Variants in TAF4B observed in about 807,000 individuals in gnomAD.
TAF4B encodes the protein TATA-box binding protein associated factor 4b, also known as transcription initiation factor TFIID subunit 4B.
Under a neutral mutation model 86.4 loss-of-function variants are expected in TAF4B, and 38 were observed. The observed-to-expected ratio is 0.44, with a 90% CI of 0.34 to 0.58. The LOEUF (loss-of-function observed/expected upper bound fraction) is 0.58, where lower values mean the gene tolerates loss of function less well. Among genes scored for constraint, TAF4B ranks in the 20% least tolerant of loss-of-function variants. TAF4B has a pLI of 0.02. For missense variants in TAF4B, 988 were observed against 1,027.6 expected, an observed-to-expected ratio of 0.96 and a Z score of 0.53; for synonymous variants, 388 against 391.2, an observed-to-expected ratio of 0.99 and a Z score of 0.10.
At chr18:26,315,095 ACTCTCTCTCTCTCTCTCT>A (rs58691265) in intron 9 of TAF4B, 116 bp from the exon 10 acceptor site, 27 of 220,320 alleles carry the variant, frequency 1.2e-4, no homozygotes, top group Middle Eastern at 1.3e-3. Context: ...GCTCTCTGAA[ACTCTCTCTCTCTCTCTCT>A]CTCTCTCTCT....
At chr18:26,351,561 T>C (rs1198424747) in intron 13 of TAF4B, among the ~76,000 whole-genome samples, 1 of 152,190 alleles carries the variant, frequency 6.6e-6, no homozygotes, top group Non-Finnish European at 1.5e-5. Flanking sequence ...ATACTAATTA[T>C]CCTCATCTGA....
chr18:26,266,919 T>G (rs1433062772), intron 2 of TAF4B: 1 of 152,148 alleles, frequency 6.6e-6, no homozygotes, highest in Non-Finnish European at 1.5e-5. Context: ...AATGGGTATT[T>G]TATTTAAATA....
chr18:26,239,077 T>C (rs2055795303), intron 1 of TAF4B, among the ~76,000 whole-genome samples: 1 of 152,246 alleles, frequency 6.6e-6, no homozygotes, highest in Non-Finnish European at 1.5e-5. Flanking sequence ...TATAGCAGCA[T>C]GATTTATAGT....
At chr18:26,315,100 C>CTCTCTG (rs2056889110) in intron 9 of TAF4B, 129 bp from the exon 10 acceptor site, 1 of 174,268 alleles carries the variant, frequency 5.7e-6, no homozygotes, top group East Asian at 8.2e-5. Flanking sequence ...CTGAAACTCT[C>CTCTCTG]TCTCTCTCTC....
At chr18:26,262,465 A>G (rs1019450316) in intron 1 of TAF4B, among the ~76,000 whole-genome samples, 2 of 140,210 alleles carry the variant, frequency 1.4e-5, no homozygotes, top group Non-Finnish European at 3.0e-5. Context: ...GCCTTAGGAC[A>G]GTTTCCAAAC....
Position 26,316,130 on chromosome 18 carries a change from G to A in TAF4B, c.2002+732G>A, listed in dbSNP as rs144424859. On this transcript the variant is annotated intron_variant, in intron 10 of 14. Coordinates refer to ENST00000269142, the MANE Select transcript of TAF4B (RefSeq NM_005640.3). ...TGAGGCATGAGAATCGCTTGAACCC[G>A]GGAGGCTTCTTCACCTATGTCAAAT... Among the ~76,000 whole-genome samples the A allele has an allele frequency of 5.3e-5, 8 of 152,070 alleles. No individual in the cohort carries two copies. The East Asian group carries it at 1.2e-3, about 22-fold the overall frequency.
chr18:26,320,689 C>A (rs2144675486), intron 10 of TAF4B, among the ~76,000 whole-genome samples: 1 of 152,222 alleles, frequency 6.6e-6, no homozygotes, highest in African/African-American at 2.4e-5. Flanking sequence ...CAGTGTCAAA[C>A]AGGGCAAAAT....
Position 26,282,003 on chromosome 18 carries a change from G to A in TAF4B, c.915G>A (p.Arg305=). 1 of 1,613,302 alleles carries A rather than the reference G, an allele frequency of 6.2e-7. No homozygotes were observed. Among genetic ancestry groups the A allele is most frequent in the South Asian group, 1.1e-5 (1 of 90,942 alleles). ...DAKIEAEEFT[R]KLYVELKSSP... ...AAATCGAAGCAGAAGAATTTACTAG[G>A]AAACTGTATGTTGAACTCAAGTCTT... The change falls in exon 6 of 15, where the codon AGG becomes AGA. Residue 305 remains arginine, a synonymous_variant. Coordinates refer to ENST00000269142, the MANE Select transcript of TAF4B (RefSeq NM_005640.3).
chr18:26,320,976 A>G (rs1046713740), intron 10 of TAF4B, 94 bp from the exon 11 acceptor site: 3 of 1,468,304 alleles, frequency 2.0e-6, no homozygotes, highest in Non-Finnish European at 2.8e-6. Context: ...CATAATGGGT[A>G]TGACTTCCAG....
intron 10 of TAF4B, among the ~76,000 whole-genome samples, chr18:26,316,226 A>G (rs909950234): frequency 6.6e-6 from 1 of 152,168 alleles, no homozygotes; most frequent in Non-Finnish European, 1.5e-5. Context: ...CGAAGGCTTG[A>G]TACAAAAACG....
At chr18:26,277,363 G>A (rs1479534928) in intron 5 of TAF4B, among the ~76,000 whole-genome samples, 3 of 152,132 alleles carry the variant, frequency 2.0e-5, no homozygotes, top group African/African-American at 7.2e-5. Context: ...TAGGATTACG[G>A]GCATGAGCCA....
At chr18:26,233,049 A>G (rs2055695972) in intron 1 of TAF4B, among the ~76,000 whole-genome samples, 1 of 152,132 alleles carries the variant, frequency 6.6e-6, no homozygotes. Flanking sequence ...GTGCCTGTCT[A>G]GTTGGTGGGG....
intron 13 of TAF4B, 129 bp downstream of exon 13, chr18:26,335,360 A>G: frequency 1.3e-6 from 1 of 759,320 alleles, no homozygotes; most frequent in Non-Finnish European, 2.3e-6. Context: ...AAGGACAGGA[A>G]CTGCTAAAGG....
At chr18:26,271,956 G>C (rs1395383758) in intron 3 of TAF4B, among the ~76,000 whole-genome samples, 1 of 150,706 alleles carries the variant, frequency 6.6e-6, no homozygotes, top group Non-Finnish European at 1.5e-5. Flanking sequence ...CACTTTTAAG[G>C]GTGAGGGGGA....
intron 1 of TAF4B, among the ~76,000 whole-genome samples, chr18:26,233,523 T>A (rs1416452152): frequency 6.6e-6 from 1 of 152,128 alleles, no homozygotes; most frequent in East Asian, 1.9e-4. Flanking sequence ...CTATGATCAG[T>A]TGGGGCTTGA....
intron 1 of TAF4B, among the ~76,000 whole-genome samples, chr18:26,236,032 G>A (rs1310380538): frequency 6.6e-6 from 1 of 152,180 alleles, no homozygotes; most frequent in Non-Finnish European, 1.5e-5. Flanking sequence ...AAGTGGTGGG[G>A]TCTTTTAGCC....
intron 1 of TAF4B, among the ~76,000 whole-genome samples, chr18:26,229,964 A>AAAAAAT (rs1555669580): frequency 1.1e-4 from 17 of 149,452 alleles, no homozygotes; most frequent in African/African-American, 4.3e-4. Context: ...TTAAAAAAAA[A>AAAAAAT]ATATATATAT....
At chr18:26,268,636 T>C (rs7505712) in intron 3 of TAF4B, among the ~76,000 whole-genome samples, 151,563 of 152,194 alleles carry the variant, frequency 1, 75,471 homozygotes, top group South Asian at 1. Context: ...ACCTGAATCA[T>C]GTGGATTTGC....
intron 1 of TAF4B, chr18:26,256,282 A>T: frequency 6.8e-7 from 1 of 1,474,148 alleles, no homozygotes; most frequent in Non-Finnish European, 9.5e-7. Flanking sequence ...GTGAATCGAG[A>T]ACTAGAGGAC....
Sources: gnomAD v4.1 joint callset for allele counts (sites outside exome capture counted in the v4.1 genomes callset) on GRCh38, gnomAD v4.1.1 for gene constraint, MANE v1.5 for transcripts, NCBI Gene and HGNC (gene_info 2026-07-23, HGNC 2026-07-21) for gene names.